The following INSM2 variants were observed in gnomAD, a reference collection of about 807,000 sequenced individuals.
The protein encoded by INSM2 is insulinoma-associated protein 2.
In INSM2, 12 loss-of-function variants were observed where a neutral mutation model predicts 30.5. The ratio of observed to expected loss-of-function variants is 0.39; its 90% CI spans 0.25 to 0.64. The LOEUF (loss-of-function observed/expected upper bound fraction) is 0.64, where lower values mean the gene tolerates loss of function less well. INSM2 is among the 30% of genes least tolerant of loss of function. The pLI is 0.47. For synonymous variants in INSM2, 418 were observed against 383.7 expected (o/e 1.09, Z -1.05); for missense variants, 773 against 819.2 (o/e 0.94, Z 0.69).
chr14:35,534,887 C>T lies in INSM2; in HGVS notation c.635C>T (p.Ala212Val), dbSNP rs773960727. 13 of 1,588,996 alleles carry T rather than the reference C, an allele frequency of 8.2e-6. No homozygotes were observed. Among genetic ancestry groups the T allele is most frequent in the Admixed American group, 1.8e-5 (1 of 55,718 alleles). ...CCCACGGACTGCGCGTCTGGACCCG[C>T]GGCCGCGGGAATCAAGAAGCCAAAG... ...KAPTDCASGP[A>V]AAGIKKPKAM... Residue 212 changes from alanine to valine, a missense_variant, in exon 1 of 1, where the codon GCG becomes GTG. Transcript: ENST00000307169.
Position 35,535,518 on chromosome 14 carries a change from A to G in INSM2, c.1266A>G (p.Gly422=), listed in dbSNP as rs1189630590. The G allele has an allele frequency of 2.5e-6, 4 of 1,613,224 alleles. No homozygotes were observed. Residue 422 remains glycine (G), a synonymous_variant, in exon 1 of 1, where the codon GGA becomes GGG. Transcript: ENST00000307169. ...CGGGCAGTACCAGTGGTGGCAGGGG[A>G]TCCGAGATTTTCGTGTGCCCATATT... ...PVPGSTSGGR[G]SEIFVCPYCH...
In INSM2 at chr14:35,535,140, C is replaced by T. The variant is rs2053587644; in HGVS notation, c.888C>T (p.Cys296=). Residue 296 remains cysteine (C), a synonymous_variant, in exon 1 of 1, where the codon TGC becomes TGT. Coordinates refer to ENST00000307169, the MANE Select transcript of INSM2 (RefSeq NM_032594.4). The stretch of plus-strand genomic sequence containing the variant: ...GCGTAGAGTACCGCTGCCCTGAGTG[C>T]GACAAGGTGTTCAGCTGTCCTGCGA... ...IVRVEYRCPE[C]DKVFSCPANL... is the part of the protein sequence containing the mutation. The T allele has an allele frequency of 1.9e-6, 3 of 1,610,602 alleles. No homozygotes were observed. Among genetic ancestry groups the T allele is most frequent in the Non-Finnish European group, 2.5e-6 (3 of 1,178,718 alleles).
chr14:35,535,196 C>T lies in INSM2; in HGVS notation c.944C>T (p.Pro315Leu). 2 of 1,613,232 alleles carry T rather than the reference C, an allele frequency of 1.2e-6. No homozygotes were observed. The highest frequency in any genetic ancestry group is 1.7e-6 in the Non-Finnish European group (2 of 1,179,924). ...GCCTCCCATCGCCGCTGGCATAAGC[C>T]GCGTCCTGCGGCTGCAAACGCCGCC... ...NLASHRRWHK[P>L]RPAAANAATV... Residue 315 changes from proline to leucine, a missense_variant, in exon 1 of 1, where the codon CCG (proline) becomes CTG (leucine). By Grantham distance (98) the Pro-to-Leu change is moderately conservative. Coordinates refer to ENST00000307169, the MANE Select transcript of INSM2 (RefSeq NM_032594.4).
chr14:35,534,662 C>G lies in INSM2; in HGVS notation c.410C>G (p.Ser137Cys), dbSNP rs1397241732. 2.1e-6 allele frequency: 3 copies of G among 1,410,104 alleles called. No homozygotes were observed. The highest frequency in any genetic ancestry group is 5.9e-5 in the East Asian group (2 of 33,976). 87.3% of individuals were successfully genotyped at this position (1,410,104 alleles called of 1,614,324 possible). A position where few individuals can be genotyped will look rare whatever the true frequency, so the allele number is the denominator to read the frequency against. ...RCLSSPVSAE[S>C]FPGGAAAVAA... ...CTCAGCTCGCCCGTCTCCGCCGAGT[C>G]TTTCCCCGGGGGCGCCGCCGCCGTG... Residue 137 changes from serine to cysteine, a missense_variant, in exon 1 of 1, where the codon TCT becomes TGT. Ser to Cys is a moderately radical substitution (Grantham distance 112). Transcript: ENST00000307169.
At position 35,535,940 on chromosome 14, in the gene INSM2, G is replaced by C. The variant is rs770907125; in HGVS notation, c.1688G>C (p.Arg563Pro). ...RQVLLLQMPL[R>P]PGC The stretch of plus-strand genomic sequence containing the variant: ...GTGCTGCTGCTGCAGATGCCACTGC[G>C]GCCTGGCTGCTGAGGGACGAGAGAC... The change falls in exon 1 of 1, where the codon CGG becomes CCG. Residue 563 changes from arginine to proline, a missense_variant. Coordinates refer to ENST00000307169, the MANE Select transcript of INSM2 (RefSeq NM_032594.4). The C allele has an allele frequency of 6.2e-7, 1 of 1,606,012 alleles. No individual in the cohort carries two copies. Among genetic ancestry groups the C allele is most frequent in the African/African-American group, 1.3e-5 (1 of 74,688 alleles).
At position 35,535,455 on chromosome 14, in the gene INSM2, C is replaced by A; in HGVS notation, c.1203C>A (p.Pro401=). The change falls in exon 1 of 1, where the codon CCC becomes CCA. Residue 401 remains proline (P), a synonymous_variant. Transcript: ENST00000307169. Reference sequence around the variant, plus strand: ...CAGAGCCACCGCTGCCTCAGGGCCCCTACACGGAGGGGGTGTTGGGGCGCC... The same window carrying A: ...CAGAGCCACCGCTGCCTCAGGGCCCATACACGGAGGGGGTGTTGGGGCGCC... ...THPEPPLPQG[P]YTEGVLGRRV... 6.2e-7 allele frequency: 1 copy of A among 1,613,026 alleles called. No individual in the cohort carries two copies. The highest frequency in any genetic ancestry group is 1.1e-5 in the South Asian group (1 of 91,080).
rs1171168383 is a variant in INSM2 at position 35,536,286 on chromosome 14, C to T, written c.*333C>T. 2.3e-5 allele frequency: 6 copies of T among 258,504 alleles called. No individual in the cohort carries two copies. In the East Asian group the frequency reaches 5.6e-4, roughly 24 times the overall value. The allele number at this position is 258,504 out of a possible 1,614,324, so 16.0% of individuals were successfully genotyped here. A position where few individuals can be genotyped will look rare whatever the true frequency, so the allele number is the denominator to read the frequency against. ...ATGATTTGTAATTCCTATGGAAAGTCGCGGTGAATGCGTGCATGTCTCAAT... is the reference window on the plus strand; with the variant it reads ...ATGATTTGTAATTCCTATGGAAAGTTGCGGTGAATGCGTGCATGTCTCAAT... On this transcript the variant is annotated 3_prime_UTR_variant, in exon 1 of 1. Transcript: ENST00000307169.
rs756029994 is a variant in INSM2 at position 35,535,425 on chromosome 14, G to A, written c.1173G>A (p.Thr391=). Residue 391 remains threonine, a synonymous_variant, in exon 1 of 1, where the codon ACG becomes ACA. Transcript: ENST00000307169. ...SAPRQGLQVL[T]HPEPPLPQGP... ...CGAGGCAGGGCCTCCAGGTGCTGAC[G>A]CATCCAGAGCCACCGCTGCCTCAGG... 1.2e-6 allele frequency: 2 copies of A among 1,612,000 alleles called. No homozygotes were observed. Among genetic ancestry groups the A allele is most frequent in the Non-Finnish European group, 1.7e-6 (2 of 1,179,380 alleles).
At position 35,534,745 on chromosome 14, in the gene INSM2, C is replaced by T. The variant is rs2053582716; in HGVS notation, c.493C>T (p.Leu165=). ...AAAPTPGEQF[L]LPLRAPFPEP... ...CGCACCGACCCCGGGGGAGCAGTTT[C>T]TGCTGCCGCTTCGGGCGCCGTTCCC... Residue 165 remains leucine (L), a synonymous_variant, in exon 1 of 1, where the codon CTG becomes TTG. Transcript: ENST00000307169. The T allele has an allele frequency of 7.1e-7, 1 of 1,402,360 alleles. No homozygotes were observed. The highest frequency in any genetic ancestry group is 3.6e-5 in the Admixed American group (1 of 27,950). 86.9% of individuals were successfully genotyped at this position (1,402,360 alleles called of 1,614,324 possible). A position where few individuals can be genotyped will look rare whatever the true frequency, so the allele number is the denominator to read the frequency against.
In INSM2 at chr14:35,534,818, A is replaced by G. The variant is rs2053583512; in HGVS notation, c.566A>G (p.Gln189Arg). 3 of 1,495,102 alleles carry G rather than the reference A, an allele frequency of 2.0e-6. No individual in the cohort carries two copies. The highest frequency in any genetic ancestry group is 1.5e-5 in the African/African-American group (1 of 68,168). 92.6% of individuals were successfully genotyped at this position (1,495,102 alleles called of 1,614,324 possible). The change falls in exon 1 of 1, where the codon CAG becomes CGG. Residue 189 changes from glutamine (Q) to arginine (R), a missense_variant. Physicochemically the swap from Gln to Arg is conservative, Grantham distance 43. Transcript: ENST00000307169. ...PDPAPLSAALQSLKRAAGGER... is the reference protein window; with the variant it reads ...PDPAPLSAALRSLKRAAGGER... ...CCTGCGCCCCTCTCGGCCGCCCTTCAGAGTCTGAAGCGGGCGGCCGGCGGC... is the reference window on the plus strand; with the variant it reads ...CCTGCGCCCCTCTCGGCCGCCCTTCGGAGTCTGAAGCGGGCGGCCGGCGGC...
chr14:35,535,113 G>T lies in INSM2; in HGVS notation c.861G>T (p.Val287=), dbSNP rs1271068257. The T allele has an allele frequency of 6.2e-7, 1 of 1,606,566 alleles. No homozygotes were observed. Among genetic ancestry groups the T allele is most frequent in the Non-Finnish European group, 8.5e-7 (1 of 1,176,222 alleles). Residue 287 remains valine (V), a synonymous_variant, in exon 1 of 1, where the codon GTG becomes GTT. Transcript: ENST00000307169. ...ALAQHRCSRI[V]RVEYRCPECD... ...CCCAGCACCGCTGCTCCCGCATCGT[G>T]CGCGTAGAGTACCGCTGCCCTGAGT...
Position 35,534,674 on chromosome 14 carries a change from G to C in INSM2, c.422G>C (p.Gly141Ala). The C allele has an allele frequency of 7.1e-7, 1 of 1,402,894 alleles. No homozygotes were observed. Among genetic ancestry groups the C allele is most frequent in the Non-Finnish European group, 9.2e-7 (1 of 1,089,676 alleles). The allele number at this position is 1,402,894 out of a possible 1,614,324, so 86.9% of individuals were successfully genotyped here. The change falls in exon 1 of 1, where the codon GGC (glycine) becomes GCC (alanine). Residue 141 changes from glycine (G) to alanine (A), a missense_variant. Physicochemically the swap from Gly to Ala is moderately conservative, Grantham distance 60. Transcript: ENST00000307169. Reference sequence around the variant, plus strand: ...GTCTCCGCCGAGTCTTTCCCCGGGGGCGCCGCCGCCGTGGCCGCTTTCTCC... The same window carrying C: ...GTCTCCGCCGAGTCTTTCCCCGGGGCCGCCGCCGCCGTGGCCGCTTTCTCC... Reference protein sequence around the residue: ...SPVSAESFPGGAAAVAAFSCS... With the variant: ...SPVSAESFPGAAAAVAAFSCS...
Position 35,535,319 on chromosome 14 carries a change from A to G in INSM2, c.1067A>G (p.Asn356Ser), listed in dbSNP as rs749884122. The G allele has an allele frequency of 6.2e-7, 1 of 1,611,988 alleles. No individual in the cohort carries two copies. Reference sequence around the variant, plus strand: ...TCTTTTCTGGCGGAGGGAAAGGAGAACAGCCGAATAGAGCGGACTGCGGAT... The same window carrying G: ...TCTTTTCTGGCGGAGGGAAAGGAGAGCAGCCGAATAGAGCGGACTGCGGAT... ...IASFLAEGKENSRIERTADQH... is the reference protein window; with the variant it reads ...IASFLAEGKESSRIERTADQH... Residue 356 changes from asparagine (N) to serine (S), a missense_variant, in exon 1 of 1, where the codon AAC becomes AGC. Transcript: ENST00000307169.
At position 35,534,374 on chromosome 14, in the gene INSM2, C is replaced by T. The variant is rs767025381; in HGVS notation, c.122C>T (p.Ala41Val). 6.4e-6 allele frequency: 10 copies of T among 1,557,830 alleles called. No individual in the cohort carries two copies. Among genetic ancestry groups the T allele is most frequent in the Middle Eastern group, 1.9e-4 (1 of 5,322 alleles). ...PQGAPPFLEE[A>V]PSASLPGAER... ...GGGGCGCCGCCCTTCTTGGAGGAGG[C>T]TCCCAGCGCCTCCTTGCCCGGCGCG... is the stretch of plus-strand genomic sequence containing the variant. The change falls in exon 1 of 1, where the codon GCT (alanine) becomes GTT (valine). Residue 41 changes from alanine (A) to valine (V), a missense_variant. Ala to Val is a moderately conservative substitution (Grantham distance 64). Transcript: ENST00000307169.
rs1465317410 is a variant in INSM2 at position 35,536,624 on chromosome 14, A to AT, written c.*671_*672insT. 1 of 166,940 alleles carries AT rather than the reference A, an allele frequency of 6.0e-6. No homozygotes were observed. Among genetic ancestry groups the AT allele is most frequent in the African/African-American group, 2.4e-5 (1 of 41,374 alleles). The allele number at this position is 166,940 out of a possible 1,614,324, so 10.3% of individuals were successfully genotyped here. ...GATGCTACTTTACTGGAGTTGAGAC[A>AT]CCCCCTAAAATTCTCACCCTCAGCT... On this transcript the variant is annotated 3_prime_UTR_variant, in exon 1 of 1. Coordinates refer to ENST00000307169, the MANE Select transcript of INSM2 (RefSeq NM_032594.4).
rs997079954 is a variant in INSM2 at position 35,534,764 on chromosome 14, C to G, written c.512C>G (p.Pro171Arg). 4.1e-5 allele frequency: 58 copies of G among 1,410,794 alleles called. No individual in the cohort carries two copies. The highest frequency in any genetic ancestry group is 5.2e-5 in the Non-Finnish European group (56 of 1,087,322). The allele number at this position is 1,410,794 out of a possible 1,614,324, so 87.4% of individuals were successfully genotyped here. A position where few individuals can be genotyped will look rare whatever the true frequency, so the allele number is the denominator to read the frequency against. The change falls in exon 1 of 1, where the codon CCG becomes CGG. Residue 171 changes from proline (P) to arginine (R), a missense_variant. Transcript: ENST00000307169. ...GEQFLLPLRAPFPEPALQPDP... is the reference protein window; with the variant it reads ...GEQFLLPLRARFPEPALQPDP... The stretch of plus-strand genomic sequence containing the variant: ...CAGTTTCTGCTGCCGCTTCGGGCGC[C>G]GTTCCCAGAGCCCGCGCTTCAGCCG...
chr14:35,534,579 C>A lies in INSM2; in HGVS notation c.327C>A (p.Ser109Arg), dbSNP rs1210478108. The change falls in exon 1 of 1, where the codon AGC becomes AGA. Residue 109 changes from serine (S) to arginine (R), a missense_variant. By Grantham distance (110) the Ser-to-Arg change is moderately radical. Coordinates refer to ENST00000307169, the MANE Select transcript of INSM2 (RefSeq NM_032594.4). ...REGPGPSPSPSPSPAKPAGAE... is the reference protein window; with the variant it reads ...REGPGPSPSPRPSPAKPAGAE... ...GTCCCGGGCCCAGCCCCAGCCCCAG[C>A]CCCAGTCCAGCGAAGCCGGCAGGCG... 8 of 1,433,718 alleles carry A rather than the reference C, an allele frequency of 5.6e-6. No homozygotes were observed. Among genetic ancestry groups the A allele is most frequent in the Non-Finnish European group, 7.2e-6 (8 of 1,103,618 alleles). 88.8% of individuals were successfully genotyped at this position (1,433,718 alleles called of 1,614,324 possible).
chr14:35,534,289 A>G lies in INSM2; in HGVS notation c.37A>G (p.Thr13Ala), dbSNP rs1182349907. ...ATTCCTGGTGAAGCGAACTAAACGG[A>G]CAGGCGGCTTGTACCGAGTTCGCCT... is the stretch of plus-strand genomic sequence containing the variant. ...RGFLVKRTKRTGGLYRVRLAE... is the reference protein window; with the variant it reads ...RGFLVKRTKRAGGLYRVRLAE... The change falls in exon 1 of 1, where the codon ACA becomes GCA. Residue 13 changes from threonine to alanine, a missense_variant. Transcript: ENST00000307169. The G allele has an allele frequency of 6.3e-7, 1 of 1,595,114 alleles. No homozygotes were observed. The highest frequency in any genetic ancestry group is 8.5e-7 in the Non-Finnish European group (1 of 1,171,538).
In INSM2 at chr14:35,535,424, C is replaced by A. The variant is rs1412025966; in HGVS notation, c.1172C>A (p.Thr391Lys). ...SAPRQGLQVL[T>K]HPEPPLPQGP... ...CCGAGGCAGGGCCTCCAGGTGCTGA[C>A]GCATCCAGAGCCACCGCTGCCTCAG... The change falls in exon 1 of 1, where the codon ACG (threonine) becomes AAG (lysine). Residue 391 changes from threonine (T) to lysine (K), a missense_variant. Physicochemically the swap from Thr to Lys is moderately conservative, Grantham distance 78 (BLOSUM62 -1). Coordinates refer to ENST00000307169, the MANE Select transcript of INSM2 (RefSeq NM_032594.4). 2.5e-6 allele frequency: 4 copies of A among 1,611,926 alleles called. No homozygotes were observed. The Admixed American group carries it at 5.0e-5, about 20-fold the overall frequency.
Sources: gnomAD v4.1 joint callset for allele counts on GRCh38, gnomAD v4.1.1 for gene constraint, MANE v1.5 for transcripts, NCBI Gene and HGNC (gene_info 2026-07-23, HGNC 2026-07-21) for gene names.